The following TGFBR3 variants were observed in gnomAD, a reference collection of about 807,000 sequenced individuals.
TGFBR3 encodes the protein transforming growth factor beta receptor 3, also known as transforming growth factor beta receptor type 3.
A neutral mutation model predicts 87.9 loss-of-function variants in TGFBR3; 46 were observed. That is an observed-to-expected ratio of 0.52 (90% confidence interval 0.41 to 0.67). The LOEUF is 0.67. Ranked by LOEUF, TGFBR3 falls within the 30% of genes least tolerant of loss-of-function variation. The probability of loss-of-function intolerance (pLI) is 0.00; values close to 1 mark genes in which losing one functional copy is unlikely to be tolerated. For synonymous variants in TGFBR3, 381 were observed against 391.6 expected, an observed-to-expected ratio of 0.97 and a Z score of 0.32; for missense variants, 866 against 1,041.9, an observed-to-expected ratio of 0.83 and a Z score of 2.32.
chr1:91,682,929 G>C lies in TGFBR3; in HGVS notation c.*810C>G, dbSNP rs1428187981. On this transcript the variant is annotated 3_prime_UTR_variant, in exon 17 of 17. Transcript: ENST00000212355. The stretch of plus-strand genomic sequence containing the variant: ...TTCACCTCAAATTATACATTAATTT[G>C]CAGAACAAAATATTAGGAATGGGCA... 1 of 453,738 alleles carries C rather than the reference G, an allele frequency of 2.2e-6. No homozygotes were observed. The highest frequency in any genetic ancestry group is 2.0e-5 in the African/African-American group (1 of 49,944). 28.1% of individuals were successfully genotyped at this position (453,738 alleles called of 1,614,324 possible).
rs561883061 is a variant in TGFBR3, at chr1:91,875,781, GGGC to G, written c.-114+10094_-114+10096del. Among the ~76,000 whole-genome samples, 483 of 25,074 alleles carry G rather than the reference GGGC, an allele frequency of 0.019. 84 individuals carry two copies. The East Asian group carries it at 0.21, about 11-fold the overall frequency. 16.4% of individuals were successfully genotyped at this position (25,074 alleles called of 152,430 possible). A position where few individuals can be genotyped will look rare whatever the true frequency, so the allele number is the denominator to read the frequency against. On this transcript the variant is annotated intron_variant, in intron 1 of 16. Coordinates refer to ENST00000212355, the MANE Select transcript of TGFBR3 (RefSeq NM_003243.5). ...CGCACACCTGTAATCCCAGCTACTC[GGGC>G]GGGGGGGGGGGGTGGGAGTGTGCAG...
intron 16 of TGFBR3, among the ~76,000 whole-genome samples, chr1:91,685,544 G>A (rs998526673): frequency 3.9e-5 from 6 of 151,984 alleles, no homozygotes; most frequent in South Asian, 2.1e-4. Flanking sequence ...GGATGGTATC[G>A]ATCTCCTGAC....
chr1:91,726,098 T>A (rs1281857890), intron 7 of TGFBR3, among the ~76,000 whole-genome samples: 3 of 152,132 alleles, frequency 2.0e-5, no homozygotes, highest in Non-Finnish European at 1.5e-5. Context: ...CATAAACAGA[T>A]CTTGCACTGG....
In TGFBR3 at chr1:91,791,102, C is replaced by T. The variant is rs1355510222; in HGVS notation, c.246+6185G>A. Reference sequence around the variant, plus strand: ...AGCAAAAAGATGTCAAATCAGATGGCGAAGTCTGAATACTGAAGCTCTTGC... The same window carrying T: ...AGCAAAAAGATGTCAAATCAGATGGTGAAGTCTGAATACTGAAGCTCTTGC... On this transcript the variant is annotated intron_variant, in intron 3 of 16. Coordinates refer to ENST00000212355, the MANE Select transcript of TGFBR3 (RefSeq NM_003243.5). Among the ~76,000 whole-genome samples, 5 of 152,140 alleles carry T rather than the reference C, an allele frequency of 3.3e-5. No homozygotes were observed. The East Asian group carries it at 5.8e-4, about 18-fold the overall frequency.
chr1:91,683,408 T>A lies in TGFBR3; in HGVS notation c.*331A>T. The A allele has an allele frequency of 3.7e-6, 2 of 543,000 alleles. No individual in the cohort carries two copies. The highest frequency in any genetic ancestry group is 3.1e-5 in the South Asian group (2 of 65,238). The allele number at this position is 543,000 out of a possible 1,614,324, so 33.6% of individuals were successfully genotyped here. Reference sequence around the variant, plus strand: ...TCAGGGCCCCAAATTATGGATGTTCTCACCTGGACAAAGCAGCATTTTAAA... The same window carrying A: ...TCAGGGCCCCAAATTATGGATGTTCACACCTGGACAAAGCAGCATTTTAAA... On this transcript the variant is annotated 3_prime_UTR_variant, in exon 17 of 17. Transcript: ENST00000212355.
chr1:91,775,185 A>C (rs1674525162), intron 3 of TGFBR3, among the ~76,000 whole-genome samples: 2 of 152,236 alleles, frequency 1.3e-5, no homozygotes, highest in African/African-American at 4.8e-5. Flanking sequence ...CGTTGTTAGC[A>C]AACACGGACT....
In TGFBR3 at chr1:91,708,855, G is replaced by A; in HGVS notation, c.2167-72C>T. On this transcript the variant is annotated intron_variant, in intron 13 of 16. Transcript: ENST00000212355. ...TGCCTTCACCAGCTCTACCTGCACA[G>A]CTGTCCTGTGGCCTTTTATCAGACA... 1.9e-6 allele frequency: 3 copies of A among 1,587,688 alleles called. No individual in the cohort carries two copies. The South Asian group carries it at 3.4e-5, about 18-fold the overall frequency.
intron 14 of TGFBR3, among the ~76,000 whole-genome samples, chr1:91,704,561 CAG>C (rs1671730999): frequency 1.3e-5 from 2 of 152,174 alleles, no homozygotes; most frequent in Admixed American, 1.3e-4. Context: ...TATCACTATA[CAG>C]AGGTGCTATG....
At chr1:91,734,626 G>A in intron 5 of TGFBR3, 150 bp downstream of exon 5, 1 of 963,822 alleles carries the variant, frequency 1.0e-6, no homozygotes, top group South Asian at 1.3e-5. Flanking sequence ...GGGGGGCGGT[G>A]GAGAGGCCTG....
At chr1:91,871,115 GGTCT>G in intron 1 of TGFBR3, among the ~76,000 whole-genome samples, 1 of 151,984 alleles carries the variant, frequency 6.6e-6, no homozygotes, top group East Asian at 1.9e-4. Flanking sequence ...CTTAAACCTA[GGTCT>G]GTCTAATTCC....
intron 4 of TGFBR3, among the ~76,000 whole-genome samples, chr1:91,757,719 C>CT (rs1306777895): frequency 2.0e-5 from 3 of 152,072 alleles, no homozygotes; most frequent in Admixed American, 6.6e-5. Context: ...CAACAAGAAC[C>CT]TTTGAGTTTT....
At chr1:91,711,628 A>G (rs2100758408) in intron 13 of TGFBR3, among the ~76,000 whole-genome samples, 2 of 152,302 alleles carry the variant, frequency 1.3e-5, no homozygotes, top group Admixed American at 1.3e-4. Context: ...TACAAGACCA[A>G]CCTAGTGGGT....
At chr1:91,885,641 C>G (rs1012598035) in intron 1 of TGFBR3, among the ~76,000 whole-genome samples, 2 of 152,192 alleles carry the variant, frequency 1.3e-5, no homozygotes, top group Admixed American at 1.3e-4. Flanking sequence ...GCCGGGGGCA[C>G]TGCCTGCCCC....
At chr1:91,808,094 G>A (rs1286958819) in intron 2 of TGFBR3, among the ~76,000 whole-genome samples, 2 of 152,084 alleles carry the variant, frequency 1.3e-5, no homozygotes. Context: ...TTACTCCCCA[G>A]AAATTATTTC....
intron 1 of TGFBR3, among the ~76,000 whole-genome samples, chr1:91,881,215 C>T (rs920515896): frequency 2.6e-5 from 4 of 152,134 alleles, no homozygotes; most frequent in Admixed American, 6.5e-5. Context: ...CACTTATATA[C>T]TAAAGAAGTC....
In TGFBR3 at chr1:91,712,217, A is replaced by T. The variant is rs768532552; in HGVS notation, c.2166+26T>A. The T allele has an allele frequency of 1.7e-5, 28 of 1,611,824 alleles. No homozygotes were observed. In the South Asian group the frequency reaches 3.1e-4, roughly 18 times the overall value. The stretch of plus-strand genomic sequence containing the variant: ...CTCACCTAAAAATGCCAAAATAACC[A>T]TCCGAATGGATGAAGGCCCACAAAC... On this transcript the variant is annotated intron_variant, in intron 13 of 16. Coordinates refer to ENST00000212355, the MANE Select transcript of TGFBR3 (RefSeq NM_003243.5).
intron 4 of TGFBR3, among the ~76,000 whole-genome samples, chr1:91,737,419 C>T (rs557784950): frequency 6.6e-6 from 1 of 152,288 alleles, no homozygotes; most frequent in South Asian, 2.1e-4. Context: ...GTGACCTCTA[C>T]AGCAGAAAAG....
intron 2 of TGFBR3, among the ~76,000 whole-genome samples, chr1:91,854,922 C>T (rs570918979): frequency 1.3e-5 from 2 of 152,172 alleles, no homozygotes; most frequent in African/African-American, 4.8e-5. Flanking sequence ...CCCCCAGAGG[C>T]TGCTGTGAGG....
At chr1:91,878,380 C>T (rs1235094686) in intron 1 of TGFBR3, among the ~76,000 whole-genome samples, 6 of 151,660 alleles carry the variant, frequency 4.0e-5, no homozygotes, top group African/African-American at 7.3e-5. Context: ...TTTTTGCATC[C>T]AAGGACCAAT....
Sources: allele counts gnomAD v4.1 joint callset (sites outside exome capture counted in the v4.1 genomes callset), GRCh38; gene constraint gnomAD v4.1.1; transcripts MANE v1.5; gene names NCBI Gene and HGNC (gene_info 2026-07-23, HGNC 2026-07-21).